The following ALDH5A1 variants were observed in gnomAD, a reference collection of about 807,000 sequenced individuals.
ALDH5A1 encodes succinate-semialdehyde dehydrogenase, mitochondrial.
ALDH5A1 carries 33 observed loss-of-function variants against 54.7 expected under a neutral mutation model. The observed-to-expected ratio is 0.60, with a 90% CI of 0.46 to 0.81. ALDH5A1 has a LOEUF of 0.81. Ranked by LOEUF, ALDH5A1 falls within the 30% of genes least tolerant of loss-of-function variation. The pLI is 0.00. For missense variants in ALDH5A1, 657 were observed against 711.0 expected (o/e 0.92, Z 0.86); for synonymous variants, 294 against 292.7 (o/e 1.00, Z -0.05).
At chr6:24,533,395 A>G in intron 9 of ALDH5A1, 112 bp from the exon 10 acceptor site, 1 of 1,093,408 alleles carries the variant, frequency 9.1e-7, no homozygotes, top group Non-Finnish European at 1.4e-6. Context: ...AGCAGGGAAG[A>G]CTCCAGGCCC....
At chr6:24,495,402 A>G (rs1581801223) in intron 1 of ALDH5A1, 52 bp downstream of exon 1, 1 of 1,506,064 alleles carries the variant, frequency 6.6e-7, no homozygotes, top group Non-Finnish European at 8.9e-7. Flanking sequence ...CACGGCGGGG[A>G]GCAGAGGGGG....
Position 24,522,668 on chromosome 6 carries a change from G to A in ALDH5A1, c.1015-99G>A, listed in dbSNP as rs1759717151. Reference sequence around the variant, plus strand: ...GTTTGAGCACATGACAACCACCGAGGGAAGTGTTTTCACAGAGAGGCGGTA... The same window carrying A: ...GTTTGAGCACATGACAACCACCGAGAGAAGTGTTTTCACAGAGAGGCGGTA... On this transcript the variant is annotated intron_variant, in intron 6 of 9. Transcript: ENST00000357578. 4 of 1,411,958 alleles carry A rather than the reference G, an allele frequency of 2.8e-6. No homozygotes were observed. The South Asian group carries it at 4.6e-5, about 16-fold the overall frequency. The allele number at this position is 1,411,958 out of a possible 1,614,324, so 87.5% of individuals were successfully genotyped here.
rs757181768 is a variant in ALDH5A1, at chr6:24,533,489, C to A, written c.1403-18C>A. 4 of 1,612,816 alleles carry A rather than the reference C, an allele frequency of 2.5e-6. No homozygotes were observed. Among genetic ancestry groups the A allele is most frequent in the Admixed American group, 3.3e-5 (2 of 60,006 alleles). On this transcript the variant is annotated intron_variant, in intron 9 of 9. Coordinates refer to ENST00000357578, the MANE Select transcript of ALDH5A1 (RefSeq NM_001080.3). ...TGACTCTTCTAAATGCCATATATGT[C>A]CTTTTATCCTGTGACAGGTTATTTT...
chr6:24,520,561 A>G lies in ALDH5A1; in HGVS notation c.1014+17A>G. 1 of 1,613,570 alleles carries G rather than the reference A, an allele frequency of 6.2e-7. No homozygotes were observed. The highest frequency in any genetic ancestry group is 8.5e-7 in the Non-Finnish European group (1 of 1,179,880). Reference sequence around the variant, plus strand: ...ACTGGACAGGTGAGTCCTGGAGAGTATTTCAGGATGTGTGTTTGCGTGTGC... The same window carrying G: ...ACTGGACAGGTGAGTCCTGGAGAGTGTTTCAGGATGTGTGTTTGCGTGTGC... On this transcript the variant is annotated intron_variant, in intron 6 of 9. Transcript: ENST00000357578.
At chr6:24,527,713 G>A (rs139107817) in intron 7 of ALDH5A1, among the ~76,000 whole-genome samples, 12 of 152,264 alleles carry the variant, frequency 7.9e-5, no homozygotes, top group Admixed American at 5.2e-4. Flanking sequence ...CCAAGCAAAC[G>A]GCTGAGCCGC....
chr6:24,526,914 A>C (rs1252693907), intron 7 of ALDH5A1, among the ~76,000 whole-genome samples: 1 of 125,070 alleles, frequency 8.0e-6, no homozygotes, highest in Admixed American at 8.4e-5. Flanking sequence ...CTATATATAT[A>C]TTCTATATAT....
chr6:24,507,470 G>GT (rs34503774), intron 4 of ALDH5A1, among the ~76,000 whole-genome samples: 39,403 of 151,428 alleles, frequency 0.26, 5,303 homozygotes, highest in Non-Finnish European at 0.28. Context: ...GTTTGGTTTG[G>GT]TTTTTTTCCC....
At position 24,502,564 on chromosome 6, in the gene ALDH5A1, A is replaced by T; in HGVS notation, c.396A>T (p.Ile132=). The change falls in exon 2 of 10, where the codon ATA becomes ATT. Residue 132 remains isoleucine, a synonymous_variant. Coordinates refer to ENST00000357578, the MANE Select transcript of ALDH5A1 (RefSeq NM_001080.3). The stretch of plus-strand genomic sequence containing the variant: ...TTCGGAAGTGGTACAATTTAATGAT[A>T]CAAAATAAGGATGACCTTGCCAGAA... ...SLLRKWYNLM[I]QNKDDLARII... 6.2e-7 allele frequency: 1 copy of T among 1,613,874 alleles called. No homozygotes were observed. Among genetic ancestry groups the T allele is most frequent in the Admixed American group, 1.7e-5 (1 of 60,028 alleles).
chr6:24,530,565 T>C (rs1759914769), intron 8 of ALDH5A1, among the ~76,000 whole-genome samples: 1 of 152,200 alleles, frequency 6.6e-6, no homozygotes, highest in South Asian at 2.1e-4. Context: ...TGGTTTGTGC[T>C]CCTCATACAT....
At chr6:24,511,689 T>C in intron 4 of ALDH5A1, 1 of 394,582 alleles carries the variant, frequency 2.5e-6, no homozygotes, top group East Asian at 3.6e-5. Flanking sequence ...TTTTTATTTA[T>C]GCTATCTATT....
At chr6:24,501,427 C>A (rs1305034046) in intron 1 of ALDH5A1, among the ~76,000 whole-genome samples, 1 of 152,104 alleles carries the variant, frequency 6.6e-6, no homozygotes, top group Non-Finnish European at 1.5e-5. Context: ...TTTGGAGAAG[C>A]AAAGTTACAA....
rs542585489 is a variant in ALDH5A1, at chr6:24,498,757, A to T, written c.354+3407A>T. ...GGCGAGTGGATCACCTGAGGTCAGG[A>T]GTTCGAGACCAGCCTGTCCAACATG... On this transcript the variant is annotated intron_variant, in intron 1 of 9. Coordinates refer to ENST00000357578, the MANE Select transcript of ALDH5A1 (RefSeq NM_001080.3). Among the ~76,000 whole-genome samples the T allele has an allele frequency of 5.3e-5, 8 of 152,260 alleles. No homozygotes were observed. In the East Asian group the frequency reaches 1.5e-3, roughly 29 times the overall value.
In ALDH5A1 at chr6:24,536,275, TTA is replaced by T. The variant is rs1220398329; in HGVS notation, c.*2567_*2568del. The T allele has an allele frequency of 6.6e-6, 1 of 152,196 alleles. No homozygotes were observed. The highest frequency in any genetic ancestry group is 1.5e-5 in the Non-Finnish European group (1 of 68,036). 9.4% of individuals were successfully genotyped at this position (152,196 alleles called of 1,614,324 possible). A position where few individuals can be genotyped will look rare whatever the true frequency, so the allele number is the denominator to read the frequency against. ...ATACAACCTGTGAGCTAAGAATGGT[TTA>T]TATGTTTTCAAATGATTGGGCAGAA... is the stretch of plus-strand genomic sequence containing the variant. On this transcript the variant is annotated 3_prime_UTR_variant, in exon 10 of 10. Transcript: ENST00000357578.
At chr6:24,529,670 G>GTTGTTT (rs1759890223) in intron 8 of ALDH5A1, among the ~76,000 whole-genome samples, 1 of 86,328 alleles carries the variant, frequency 1.2e-5, no homozygotes, top group Non-Finnish European at 2.1e-5. Flanking sequence ...TTTGGTTTGG[G>GTTGTTT]TTTTTTTTTT....
intron 1 of ALDH5A1, among the ~76,000 whole-genome samples, chr6:24,500,680 T>TAAC (rs947479837): frequency 2.7e-5 from 4 of 148,524 alleles, no homozygotes; most frequent in African/African-American, 5.0e-5. Flanking sequence ...ATAATAATAA[T>TAAC]AACGTAGGGA....
chr6:24,496,181 G>A (rs917739415), intron 1 of ALDH5A1, among the ~76,000 whole-genome samples: 5 of 152,158 alleles, frequency 3.3e-5, no homozygotes, highest in African/African-American at 1.2e-4. Context: ...GCTGTTTACT[G>A]AGCACCTGCT....
chr6:24,512,166 A>C (rs530825647), intron 4 of ALDH5A1, among the ~76,000 whole-genome samples: 6 of 152,202 alleles, frequency 3.9e-5, no homozygotes, highest in Non-Finnish European at 8.8e-5. Context: ...GTCCGCACAG[A>C]GTCCTGTGAT....
chr6:24,520,031 T>G (rs1466166484), intron 5 of ALDH5A1, among the ~76,000 whole-genome samples: 1 of 152,136 alleles, frequency 6.6e-6, no homozygotes, highest in East Asian at 1.9e-4. Flanking sequence ...ATAATGACTT[T>G]TAGTGTCTTG....
Position 24,520,535 on chromosome 6 carries a change from C to A in ALDH5A1, c.1005C>A (p.Asn335Lys), listed in dbSNP as rs72552283. ...VAGAMASKFR[N>K]TGQTCVCSNQ... ...GGGCCATGGCATCTAAATTTAGGAA[C>A]ACTGGACAGGTGAGTCCTGGAGAGT... Residue 335 changes from asparagine to lysine, a missense_variant, in exon 6 of 10, where the codon AAC becomes AAA. Physicochemically the swap from Asn to Lys is moderately conservative, Grantham distance 94. Transcript: ENST00000357578. 16 of 1,614,054 alleles carry A rather than the reference C, an allele frequency of 9.9e-6. No individual in the cohort carries two copies. The highest frequency in any genetic ancestry group is 1.3e-5 in the African/African-American group (1 of 75,012).
Sources: gnomAD v4.1 joint callset for allele counts (sites outside exome capture counted in the v4.1 genomes callset) on GRCh38, gnomAD v4.1.1 for gene constraint, MANE v1.5 for transcripts, NCBI Gene and HGNC (gene_info 2026-07-23, HGNC 2026-07-21) for gene names.